SLC24A2: variants seen among roughly 807,000 people sequenced by gnomAD.
SLC24A2 encodes solute carrier family 24 member 2.
SLC24A2 carries 36 observed loss-of-function variants against 62.0 expected under a neutral mutation model. That is an observed-to-expected ratio of 0.58 (90% CI 0.44 to 0.77). The LOEUF (loss-of-function observed/expected upper bound fraction) is 0.77. Ranked by LOEUF, SLC24A2 falls within the 30% of genes least tolerant of loss-of-function variation. The pLI is 0.00. For missense variants in SLC24A2, 846 were observed against 817.9 expected (o/e 1.03, Z -0.42); for synonymous variants, 358 against 294.0 (o/e 1.22, Z -2.23).
the SLC24A2 span, among the ~76,000 whole-genome samples, chr9:20,200,010 C>T: frequency 4.0e-5 from 6 of 151,294 alleles, no homozygotes; most frequent in Admixed American, 1.3e-4. Flanking sequence ...GGACTACAGG[C>T]GTGAGACACC....
At chr9:19,926,290 G>A in the SLC24A2 span, 5 of 152,366 alleles carry the variant, frequency 3.3e-5, no homozygotes, top group Admixed American at 3.3e-4. Flanking sequence ...ACCATTCTCT[G>A]TTTCCTTTTC....
At chr9:20,070,433 A>G in the SLC24A2 span, among the ~76,000 whole-genome samples, 1 of 152,192 alleles carries the variant, frequency 6.6e-6, no homozygotes, top group Non-Finnish European at 1.5e-5. Context: ...TTTGTCTCAT[A>G]AACAGGTTGT....
the SLC24A2 span, among the ~76,000 whole-genome samples, chr9:19,851,521 C>T: frequency 6.6e-6 from 1 of 152,066 alleles, no homozygotes; most frequent in Non-Finnish European, 1.5e-5. Flanking sequence ...TTGCTTCCCT[C>T]CCTGTGTCCC....
At chr9:19,890,420 A>G in the SLC24A2 span, among the ~76,000 whole-genome samples, 4 of 152,144 alleles carry the variant, frequency 2.6e-5, no homozygotes, top group Admixed American at 6.5e-5. Context: ...AATCTCACCA[A>G]TGTCAATGGG....
chr9:20,156,137 T>C, the SLC24A2 span, among the ~76,000 whole-genome samples: 2 of 151,910 alleles, frequency 1.3e-5, no homozygotes, highest in East Asian at 3.9e-4. Context: ...CCTGAGATTT[T>C]ATAAAATACA....
chr9:20,125,174 T>A, the SLC24A2 span, among the ~76,000 whole-genome samples: 1 of 152,162 alleles, frequency 6.6e-6, no homozygotes, highest in South Asian at 2.1e-4. Flanking sequence ...ATGAATCAGA[T>A]ATGATTATGT....
At chr9:19,551,076 C>T (rs888939063) in intron 7 of SLC24A2, among the ~76,000 whole-genome samples, 5 of 152,158 alleles carry the variant, frequency 3.3e-5, no homozygotes, top group Non-Finnish European at 7.4e-5. Flanking sequence ...CTGATTTCTT[C>T]TATCTAACTG....
At chr9:20,292,098 A>G in the SLC24A2 span, among the ~76,000 whole-genome samples, 6 of 152,212 alleles carry the variant, frequency 3.9e-5, no homozygotes, top group Non-Finnish European at 7.4e-5. Flanking sequence ...GTGTTTCTAC[A>G]CACCCAACCG....
the SLC24A2 span, among the ~76,000 whole-genome samples, chr9:19,947,509 G>C: frequency 6.6e-6 from 1 of 151,930 alleles, no homozygotes; most frequent in African/African-American, 2.4e-5. Context: ...AAATTAGTTC[G>C]GCCGGGTGTG....
the SLC24A2 span, among the ~76,000 whole-genome samples, chr9:19,870,531 A>G: frequency 6.6e-6 from 1 of 152,170 alleles, no homozygotes; most frequent in Non-Finnish European, 1.5e-5. Flanking sequence ...ACTTAGGAGT[A>G]GTATTACTGA....
At chr9:19,908,140 T>A in the SLC24A2 span, among the ~76,000 whole-genome samples, 5 of 152,144 alleles carry the variant, frequency 3.3e-5, no homozygotes, top group Non-Finnish European at 1.5e-5. Flanking sequence ...AACAGAGATA[T>A]AGACCAATGG....
At chr9:20,281,801 C>A in the SLC24A2 span, among the ~76,000 whole-genome samples, 1 of 152,084 alleles carries the variant, frequency 6.6e-6, no homozygotes, top group African/African-American at 2.4e-5. Flanking sequence ...TAGCTTTTGG[C>A]AAACATACAT....
chr9:20,231,248 T>C, the SLC24A2 span, among the ~76,000 whole-genome samples: 3 of 152,168 alleles, frequency 2.0e-5, no homozygotes, highest in African/African-American at 7.2e-5. Context: ...AACTTTAAGG[T>C]AGTTTTTTCC....
chr9:20,124,330 T>C, the SLC24A2 span, among the ~76,000 whole-genome samples: 2 of 151,960 alleles, frequency 1.3e-5, no homozygotes, highest in African/African-American at 4.8e-5. Context: ...AATCTGATTC[T>C]GTACCATAAA....
the SLC24A2 span, among the ~76,000 whole-genome samples, chr9:19,875,759 G>C: frequency 6.6e-6 from 1 of 152,174 alleles, no homozygotes; most frequent in Non-Finnish European, 1.5e-5. Context: ...ATGATGAACA[G>C]CTGCCAATTC....
chr9:20,275,956 T>C, the SLC24A2 span, among the ~76,000 whole-genome samples: 1 of 152,018 alleles, frequency 6.6e-6, no homozygotes, highest in Non-Finnish European at 1.5e-5. Context: ...CATGATACAA[T>C]TACCTCCTAC....
the SLC24A2 span, among the ~76,000 whole-genome samples, chr9:20,182,192 A>G: frequency 5.4e-4 from 83 of 152,368 alleles, no homozygotes; most frequent in East Asian, 0.014. Flanking sequence ...AATGTAAATT[A>G]GTTCAACCAT....
At chr9:20,003,745 G>C in the SLC24A2 span, among the ~76,000 whole-genome samples, 1 of 152,142 alleles carries the variant, frequency 6.6e-6, no homozygotes, top group African/African-American at 2.4e-5. Flanking sequence ...ATACAAAAAT[G>C]AATGGATGTA....
chr9:20,214,795 G>C, the SLC24A2 span, among the ~76,000 whole-genome samples: 5 of 152,004 alleles, frequency 3.3e-5, no homozygotes, highest in Admixed American at 3.3e-4. Context: ...CATATTCCTA[G>C]AACTGACATT....
Sources: gnomAD v4.1 joint callset for allele counts (sites outside exome capture counted in the v4.1 genomes callset) on GRCh38, gnomAD v4.1.1 for gene constraint, MANE v1.5 for transcripts, NCBI Gene and HGNC (gene_info 2026-07-23, HGNC 2026-07-21) for gene names.